Variants in FKRP observed in about 807,000 individuals in gnomAD.
FKRP encodes fukutin related protein, also known as ribitol 5-phosphate transferase FKRP.
A neutral mutation model predicts 30.6 loss-of-function variants in FKRP; 25 were observed. That is an observed-to-expected ratio of 0.82 (90% CI 0.60 to 1.14). The LOEUF is 1.14. Ranked by LOEUF, FKRP falls within the 50% of genes most tolerant of loss-of-function variation. The pLI is 0.00. For missense variants in FKRP, 771 were observed against 727.8 expected, an observed-to-expected ratio of 1.06 and a Z score of -0.68; for synonymous variants, 358 against 342.5, an observed-to-expected ratio of 1.05 and a Z score of -0.50.
chr19:46,758,061 G>A lies in FKRP; in HGVS notation c.*1123G>A, dbSNP rs981104582. ...CTCACTGAGCACCTACTGGGTACCAGGCACCATTCTCAGTGTTTCACCTGG... is the reference window on the plus strand; with the variant it reads ...CTCACTGAGCACCTACTGGGTACCAAGCACCATTCTCAGTGTTTCACCTGG... On this transcript the variant is annotated 3_prime_UTR_variant, in exon 4 of 4. Transcript: ENST00000318584. 1 of 167,198 alleles carries A rather than the reference G, an allele frequency of 6.0e-6. No homozygotes were observed. Among genetic ancestry groups the A allele is most frequent in the Non-Finnish European group, 1.5e-5 (1 of 68,164 alleles). The allele number at this position is 167,198 out of a possible 1,614,324, so 10.4% of individuals were successfully genotyped here.
Position 46,756,461 on chromosome 19 carries a change from C to A in FKRP, c.1011C>A (p.Gly337=), listed in dbSNP as rs770149835. 1.6e-5 allele frequency: 26 copies of A among 1,581,442 alleles called. No individual in the cohort carries two copies. In the South Asian group the frequency reaches 2.6e-4, roughly 16 times the overall value. The change falls in exon 4 of 4, where the codon GGC becomes GGA. Residue 337 remains glycine (G), a synonymous_variant. Transcript: ENST00000318584. The surrounding 1 kb of genome is among the most constrained non-coding windows in gnomAD (Gnocchi z 6.6). ...RYVVGVLEAA[G]VRYWLEGGSL... The stretch of plus-strand genomic sequence containing the variant: ...TGGTGGGCGTGCTGGAGGCTGCGGG[C>A]GTGCGCTACTGGCTCGAGGGCGGCT...
chr19:46,746,292 C>T, intron 1 of FKRP: 1 of 1,419,198 alleles, frequency 7.0e-7, no homozygotes, highest in Non-Finnish European at 9.2e-7. Flanking sequence ...CCGCCGCCTC[C>T]CTTACCTGCC....
At chr19:46,746,014 CGTCGCGGTCCCCTCCCGCCCCCCCG>C, upstream of FKRP, 1 of 1,144,668 alleles carries the variant, frequency 8.7e-7, no homozygotes, top group Non-Finnish European at 1.1e-6. Flanking sequence ...CCTCCGGGAC[CGTCGCGGTCCCCTCCCGCCCCCCCG>C]CCGGCCGTCC....
upstream of FKRP, chr19:46,745,661 G>A (rs1392034822): frequency 6.5e-6 from 1 of 152,798 alleles, no homozygotes; most frequent in African/African-American, 2.4e-5. Context: ...CATGGTCGGG[G>A]TCGGGGTCGG....
chr19:46,749,085 GTACCTC>G (rs2054734028), intron 3 of FKRP: 1 of 152,194 alleles, frequency 6.6e-6, no homozygotes, highest in South Asian at 2.1e-4. Context: ...GACCTAATGA[GTACCTC>G]GTTCATTCTG....
At chr19:46,746,398 G>GGCGACC in intron 1 of FKRP, 1 of 1,062,182 alleles carries the variant, frequency 9.4e-7, no homozygotes, top group Non-Finnish European at 1.1e-6. Context: ...AGGCGGCGGC[G>GGCGACC]GCGACCGCGG....
At chr19:46,746,036 C>G (rs867253089), upstream of FKRP, 24 of 1,227,480 alleles carry the variant, frequency 2.0e-5, no homozygotes, top group African/African-American at 3.3e-5. Context: ...CTCCCGCCCC[C>G]CCGCCGGCCG....
intron 3 of FKRP, among the ~76,000 whole-genome samples, chr19:46,750,105 G>C (rs2054761540): frequency 6.6e-6 from 1 of 152,168 alleles, no homozygotes; most frequent in Non-Finnish European, 1.5e-5. Context: ...CACATGGTGA[G>C]CTGCTAGAAT....
chr19:46,752,520 T>C (rs544282443), intron 3 of FKRP, among the ~76,000 whole-genome samples: 18 of 152,110 alleles, frequency 1.2e-4, no homozygotes, highest in Admixed American at 3.9e-4. Context: ...TGTTGAAGGA[T>C]TGAAGGAAGG....
rs1568411003 is a variant in FKRP, at chr19:46,746,497, C to CA, written c.-253+407_-253+408insA. The stretch of plus-strand genomic sequence containing the variant: ...CGCCTGCGCGGCCGCGCCAACACCC[C>CA]CCCCCCTCCCCCGCCGCAACCACCG... On this transcript the variant is annotated intron_variant, in intron 1 of 3. Coordinates refer to ENST00000318584, the MANE Select transcript of FKRP (RefSeq NM_024301.5). The CA allele has an allele frequency of 3.2e-5, 27 of 845,124 alleles. No individual in the cohort carries two copies. The South Asian group carries it at 1.2e-3, about 37-fold the overall frequency. 52.4% of individuals were successfully genotyped at this position (845,124 alleles called of 1,614,324 possible).
At position 46,755,532 on chromosome 19, in the gene FKRP, C is replaced by T; in HGVS notation, c.82C>T (p.Gln28Ter). The T allele has an allele frequency of 1.2e-6, 2 of 1,609,228 alleles. No individual in the cohort carries two copies. Among genetic ancestry groups the T allele is most frequent in the Non-Finnish European group, 1.7e-6 (2 of 1,178,210 alleles). ...LLVLFYVSWL[Q>*]HQPRNSRARG... ...GGTCCTCTTCTATGTCTCGTGGCTG[C>T]AGCACCAGCCTAGGAATTCCCGGGC... The change falls in exon 4 of 4, where the codon CAG (glutamine) becomes TAG (stop). Residue 28 changes from glutamine (Q) to a stop codon, truncating the protein, a stop_gained. Coordinates refer to ENST00000318584, the MANE Select transcript of FKRP (RefSeq NM_024301.5). LOFTEE classifies it high-confidence loss of function.
Position 46,756,181 on chromosome 19 carries a change from G to A in FKRP, c.731G>A (p.Arg244His), listed in dbSNP as rs764641619. The change falls in exon 4 of 4, where the codon CGC (arginine) becomes CAC (histidine). Residue 244 changes from arginine (R) to histidine (H), a missense_variant. Coordinates refer to ENST00000318584, the MANE Select transcript of FKRP (RefSeq NM_024301.5). The surrounding 1 kb of genome is among the most constrained non-coding windows in gnomAD (Gnocchi z 6.6). ...CTGGACTTGACCTTCGCCGCGGCGC[G>A]CCAGCCCCCGCTGGCCACGGCCCAC... ...QLLDLTFAAA[R>H]QPPLATAHAR... The A allele has an allele frequency of 1.3e-4, 182 of 1,439,292 alleles. No homozygotes were observed. The highest frequency in any genetic ancestry group is 9.4e-4 in the Admixed American group (33 of 35,214). 89.2% of individuals were successfully genotyped at this position (1,439,292 alleles called of 1,614,324 possible). A position where few individuals can be genotyped will look rare whatever the true frequency, so the allele number is the denominator to read the frequency against.
At position 46,756,378 on chromosome 19, in the gene FKRP, G is replaced by T. The variant is rs765885747; in HGVS notation, c.928G>T (p.Glu310Ter). 15 of 1,563,950 alleles carry T rather than the reference G, an allele frequency of 9.6e-6. No homozygotes were observed. The highest frequency in any genetic ancestry group is 1.3e-5 in the Non-Finnish European group (15 of 1,156,086). ...VVGDTPAYLY[E>*]ERWTPPCCLR... ...GGGCGACACGCCCGCCTACCTCTAC[G>T]AGGAGCGCTGGACGCCCCCCTGCTG... Residue 310 changes from glutamate to a stop codon, truncating the protein, a stop_gained, in exon 4 of 4, where the codon GAG becomes TAG. Coordinates refer to ENST00000318584, the MANE Select transcript of FKRP (RefSeq NM_024301.5). LOFTEE classifies it high-confidence loss of function. The surrounding 1 kb of genome is among the most constrained non-coding windows in gnomAD (Gnocchi z 6.6).
rs753147414 is a variant in FKRP, at chr19:46,755,983, G to A, written c.533G>A (p.Trp178Ter). The A allele has an allele frequency of 6.5e-7, 1 of 1,542,926 alleles. No individual in the cohort carries two copies. The change falls in exon 4 of 4, where the codon TGG becomes TAG. Residue 178 changes from tryptophan (W) to a stop codon, truncating the protein, a stop_gained. Transcript: ENST00000318584. LOFTEE classifies it high-confidence loss of function. Reference sequence around the variant, plus strand: ...GCCCTGAACGTCAGCCTGCGAGAGTGGACCGCCCGCTATGGCGCAGCCCCC... The same window carrying A: ...GCCCTGAACGTCAGCCTGCGAGAGTAGACCGCCCGCTATGGCGCAGCCCCC... ...CLALNVSLRE[W>*]TARYGAAPAA...
At chr19:46,745,102 C>T (rs201146275), upstream of FKRP, among the ~76,000 whole-genome samples, 1 of 151,696 alleles carries the variant, frequency 6.6e-6, no homozygotes, top group Non-Finnish European at 1.5e-5. Context: ...ATTCTCCCCC[C>T]TAAAGCATCA....
upstream of FKRP, chr19:46,745,862 T>C (rs1197678585): frequency 3.3e-6 from 1 of 305,156 alleles, no homozygotes; most frequent in Non-Finnish European, 6.0e-6. Flanking sequence ...TCCCAGCTGG[T>C]TGTGGTCCCT....
At chr19:46,753,106 C>T (rs1465404873) in intron 3 of FKRP, among the ~76,000 whole-genome samples, 2 of 149,688 alleles carry the variant, frequency 1.3e-5, no homozygotes, top group Admixed American at 6.7e-5. Flanking sequence ...GCGGTGGTTG[C>T]AGTGAGCCAG....
rs1257573548 is a variant in FKRP at position 46,757,371 on chromosome 19, GC to G, written c.*434del. The stretch of plus-strand genomic sequence containing the variant: ...CCAGACTGGCGAGATTCAAATCCTG[GC>G]TCTATCGCTTCGGAGCCAGGTGGGC... On this transcript the variant is annotated 3_prime_UTR_variant, in exon 4 of 4. Transcript: ENST00000318584. The G allele has an allele frequency of 2.3e-4, 49 of 208,608 alleles. No individual in the cohort carries two copies. The highest frequency in any genetic ancestry group is 4.4e-5 in the Non-Finnish European group (4 of 91,422). The allele number at this position is 208,608 out of a possible 1,614,324, so 12.9% of individuals were successfully genotyped here. A position where few individuals can be genotyped will look rare whatever the true frequency, so the allele number is the denominator to read the frequency against.
intron 3 of FKRP, among the ~76,000 whole-genome samples, chr19:46,749,519 G>A (rs1010068264): frequency 3.3e-5 from 5 of 150,538 alleles, no homozygotes; most frequent in Non-Finnish European, 7.4e-5. Flanking sequence ...GAGGTCAGGA[G>A]ATTGAGACCA....
Sources: allele counts gnomAD v4.1 joint callset (sites outside exome capture counted in the v4.1 genomes callset), GRCh38; gene constraint gnomAD v4.1.1; non-coding constraint Gnocchi (gnomAD v3.1); transcripts MANE v1.5; gene names NCBI Gene and HGNC (gene_info 2026-07-23, HGNC 2026-07-21).